The following ALMS1 variants were observed in gnomAD, a reference collection of about 807,000 sequenced individuals.
ALMS1 encodes the protein centrosome-associated protein ALMS1.
ALMS1 carries 271 observed loss-of-function variants against 352.2 expected under a neutral mutation model. The observed-to-expected ratio is 0.77, with a 90% CI of 0.70 to 0.85. ALMS1 has a LOEUF of 0.85. Ranked by LOEUF, ALMS1 falls within the 40% of genes least tolerant of loss-of-function variation. ALMS1 has a pLI of 0.00. For missense variants in ALMS1, 5,445 were observed against 4,870.7 expected (o/e 1.12, Z -3.51); for synonymous variants, 1,865 against 1,761.2 (o/e 1.06, Z -1.48).
chr2:73,609,733 T>C lies in ALMS1; in HGVS notation c.*121T>C. ...TCTTTGTCCATGTGTATTTTAGAAA[T>C]AGTAACTTCTAAAGAGTCTGGAACA... On this transcript the variant is annotated 3_prime_UTR_variant, in exon 23 of 23. Coordinates refer to ENST00000613296, the MANE Select transcript of ALMS1 (RefSeq NM_001378454.1). 1.0e-6 allele frequency: 1 copy of C among 1,001,380 alleles called. No individual in the cohort carries two copies. The highest frequency in any genetic ancestry group is 1.9e-5 in the Admixed American group (1 of 51,674). 62.0% of individuals were successfully genotyped at this position (1,001,380 alleles called of 1,614,324 possible).
chr2:73,557,393 G>A (rs375539835), intron 14 of ALMS1, 39 bp downstream of exon 14: 2 of 1,613,168 alleles, frequency 1.2e-6, no homozygotes, highest in African/African-American at 2.7e-5. Flanking sequence ...TTTTCTTCTG[G>A]TCTTCTAAAA....
chr2:73,511,466 C>A (rs1341484909), intron 10 of ALMS1, among the ~76,000 whole-genome samples: 2 of 152,062 alleles, frequency 1.3e-5, no homozygotes, highest in South Asian at 2.1e-4. Flanking sequence ...GACACCCCCA[C>A]CCTGCTGCTG....
chr2:73,561,562 G>T (rs563818731), intron 15 of ALMS1, among the ~76,000 whole-genome samples: 1 of 152,136 alleles, frequency 6.6e-6, no homozygotes, highest in African/African-American at 2.4e-5. Flanking sequence ...AATAGTGATT[G>T]CCCAGGCTTG....
chr2:73,419,272 TC>T lies in ALMS1; in HGVS notation c.601del (p.Gln201LysfsTer2). The T allele has an allele frequency of 6.2e-7, 1 of 1,614,018 alleles. No individual in the cohort carries two copies. Among genetic ancestry groups the T allele is most frequent in the Non-Finnish European group, 8.5e-7 (1 of 1,179,966 alleles). On this transcript the variant is annotated frameshift_variant, in exon 3 of 23. Coordinates refer to ENST00000613296, the MANE Select transcript of ALMS1 (RefSeq NM_001378454.1). LOFTEE classifies it high-confidence loss of function. ...EEGILTQSENQVKEPNRDLFC... is the reference protein window; with the variant it reads ...EEGILTQSENXVKEPNRDLFC... ...AGGGCATATTGACGCAATCAGAAAATCAAGTAAAGGAACCCAACAGAGATCT... is the reference window on the plus strand; with the variant it reads ...AGGGCATATTGACGCAATCAGAAAATAAGTAAAGGAACCCAACAGAGATCT...
At chr2:73,533,325 T>C (rs1158842332) in intron 11 of ALMS1, among the ~76,000 whole-genome samples, 1 of 152,216 alleles carries the variant, frequency 6.6e-6, no homozygotes, top group Admixed American at 6.5e-5. Context: ...CTTTAGGCTA[T>C]GGTATATGCT....
chr2:73,557,122 TG>T (rs1674562960), intron 13 of ALMS1, 97 bp from the exon 14 acceptor site: 2 of 1,536,354 alleles, frequency 1.3e-6, no homozygotes, highest in Non-Finnish European at 1.8e-6. Flanking sequence ...AATATGTAAA[TG>T]GGTTTGGGGT....
chr2:73,558,966 T>C lies in ALMS1; in HGVS notation c.10214-6T>C. 6.2e-7 allele frequency: 1 copy of C among 1,613,912 alleles called. No individual in the cohort carries two copies. The highest frequency in any genetic ancestry group is 8.5e-7 in the Non-Finnish European group (1 of 1,179,886). On this transcript the variant is annotated splice_region_variant and splice_polypyrimidine_tract_variant and intron_variant, in intron 14 of 22. Transcript: ENST00000613296. ...TCTGTATAGTGTGTTAATTTCCCTT[T>C]CGTAGATTCCAGTGCTGCTGCTGCT...
chr2:73,588,436 C>G (rs1487632609), intron 16 of ALMS1, among the ~76,000 whole-genome samples: 6 of 152,060 alleles, frequency 3.9e-5, no homozygotes, highest in Non-Finnish European at 7.4e-5. Flanking sequence ...TATTCTTCTT[C>G]TGATTACTCT....
At chr2:73,579,535 A>AT in intron 16 of ALMS1, among the ~76,000 whole-genome samples, 1 of 144,572 alleles carries the variant, frequency 6.9e-6, no homozygotes, top group African/African-American at 2.6e-5. Context: ...TAATTTTTGT[A>AT]TTTTAGTAGA....
At chr2:73,608,802 C>T (rs890271585) in intron 22 of ALMS1, among the ~76,000 whole-genome samples, 11 of 152,186 alleles carry the variant, frequency 7.2e-5, no homozygotes, top group African/African-American at 2.7e-4. Flanking sequence ...TCCATGCATT[C>T]GTTTGCAGTG....
At chr2:73,564,641 A>T (rs1397258310) in intron 15 of ALMS1, among the ~76,000 whole-genome samples, 1 of 152,274 alleles carries the variant, frequency 6.6e-6, no homozygotes, top group South Asian at 2.1e-4. Context: ...AGATTTCCCT[A>T]TTCTGGACTT....
At chr2:73,427,784 C>T (rs1671411584) in intron 6 of ALMS1, among the ~76,000 whole-genome samples, 1 of 152,100 alleles carries the variant, frequency 6.6e-6, no homozygotes, top group Non-Finnish European at 1.5e-5. Context: ...CTTTTGTTGT[C>T]TGGTACTGTA....
Position 73,603,227 on chromosome 2 carries a change from C to T in ALMS1, c.12299-14C>T, listed in dbSNP as rs1352077204. ...AGTCACTGTCCACTGAAAACCCTTTCTTCTCTTGCCTAGTCTTCCTGGCTA... is the reference window on the plus strand; with the variant it reads ...AGTCACTGTCCACTGAAAACCCTTTTTTCTCTTGCCTAGTCTTCCTGGCTA... On this transcript the variant is annotated splice_polypyrimidine_tract_variant and intron_variant, in intron 20 of 22. Coordinates refer to ENST00000613296, the MANE Select transcript of ALMS1 (RefSeq NM_001378454.1). 13 of 1,613,952 alleles carry T rather than the reference C, an allele frequency of 8.1e-6. No individual in the cohort carries two copies. Among genetic ancestry groups the T allele is most frequent in the Non-Finnish European group, 1.1e-5 (13 of 1,179,864 alleles).
intron 18 of ALMS1, 53 bp from the exon 19 acceptor site, chr2:73,601,142 G>A: frequency 6.2e-7 from 1 of 1,612,366 alleles, no homozygotes; most frequent in Non-Finnish European, 8.5e-7. Context: ...GAGCTGGGTG[G>A]GGCTGTAAAA....
At chr2:73,518,269 C>T in intron 10 of ALMS1, among the ~76,000 whole-genome samples, 1 of 152,136 alleles carries the variant, frequency 6.6e-6, no homozygotes, top group East Asian at 1.9e-4. Context: ...CCTCCAGCTC[C>T]ATCCATGTTC....
At chr2:73,462,628 G>A (rs1475010096) in intron 9 of ALMS1, among the ~76,000 whole-genome samples, 1 of 152,188 alleles carries the variant, frequency 6.6e-6, no homozygotes, top group African/African-American at 2.4e-5. Context: ...AATGTAAATG[G>A]ACTAAATGCT....
chr2:73,453,504 G>C lies in ALMS1; in HGVS notation c.6977G>C (p.Ser2326Thr). Residue 2326 changes from serine to threonine, a missense_variant, in exon 8 of 23, where the codon AGC (serine) becomes ACC (threonine). By Grantham distance (58) the Ser-to-Thr change is moderately conservative. Coordinates refer to ENST00000613296, the MANE Select transcript of ALMS1 (RefSeq NM_001378454.1). ...LLHRQPFTEE[S>T]PSSRCIQKDI... ...CACAGACAGCCATTCACAGAGGAAA[G>C]CCCAAGCAGCAGGTGCATACAGAAG... is the stretch of plus-strand genomic sequence containing the variant. 6.2e-7 allele frequency: 1 copy of C among 1,613,660 alleles called. No individual in the cohort carries two copies. The highest frequency in any genetic ancestry group is 8.5e-7 in the Non-Finnish European group (1 of 1,179,914).
intron 9 of ALMS1, among the ~76,000 whole-genome samples, chr2:73,487,222 T>C (rs1219960480): frequency 6.6e-6 from 1 of 152,168 alleles, no homozygotes; most frequent in African/African-American, 2.4e-5. Flanking sequence ...TACTATGCTA[T>C]GTCTTACACC....
chr2:73,519,981 C>T lies in ALMS1; in HGVS notation c.9746C>T (p.Ser3249Leu), dbSNP rs1232223509. The T allele has an allele frequency of 6.2e-7, 1 of 1,614,004 alleles. No individual in the cohort carries two copies. The highest frequency in any genetic ancestry group is 2.2e-5 in the East Asian group (1 of 44,882). The change falls in exon 11 of 23, where the codon TCA becomes TTA. Residue 3249 changes from serine to leucine, a missense_variant. Coordinates refer to ENST00000613296, the MANE Select transcript of ALMS1 (RefSeq NM_001378454.1). ...KAPVKFASSSSVQQVTFSRGT... is the reference protein window; with the variant it reads ...KAPVKFASSSLVQQVTFSRGT... Reference sequence around the variant, plus strand: ...CCTGTCAAGTTTGCCTCATCATCTTCAGTCCAACAGGTTACTTTTTCTCGC... The same window carrying T: ...CCTGTCAAGTTTGCCTCATCATCTTTAGTCCAACAGGTTACTTTTTCTCGC...
Sources: allele counts gnomAD v4.1 joint callset (sites outside exome capture counted in the v4.1 genomes callset), GRCh38; gene constraint gnomAD v4.1.1; transcripts MANE v1.5; gene names NCBI Gene and HGNC (gene_info 2026-07-23, HGNC 2026-07-21).